Variants in PCDH15 observed in about 807,000 individuals in gnomAD.
PCDH15 encodes protocadherin related 15.
A neutral mutation model predicts 178.5 loss-of-function variants in PCDH15; 129 were observed. That is an observed-to-expected ratio of 0.72 (90% confidence interval 0.63 to 0.84). PCDH15 has a LOEUF of 0.84. Among genes scored for constraint, PCDH15 ranks in the 40% least tolerant of loss-of-function variants. The pLI is 0.00. For missense variants in PCDH15, 2,230 were observed against 2,099.9 expected (o/e 1.06, Z -1.21); for synonymous variants, 800 against 732.0 (o/e 1.09, Z -1.50).
intron 1 of PCDH15, among the ~76,000 whole-genome samples, chr10:54,725,150 C>A (rs1942295187): frequency 1.3e-5 from 2 of 151,336 alleles, no homozygotes; most frequent in Non-Finnish European, 3.0e-5. Context: ...ATGAGCCATT[C>A]TGAAAAATAA....
At chr10:54,444,594 T>A (rs2076033308) in intron 3 of PCDH15, among the ~76,000 whole-genome samples, 1 of 151,730 alleles carries the variant, frequency 6.6e-6, no homozygotes, top group Non-Finnish European at 1.5e-5. Context: ...TGAGAGTACC[T>A]GACAGACTGA....
At chr10:55,436,406 G>T (rs1231107083) in intron 2 of PCDH15, among the ~76,000 whole-genome samples, 10 of 152,008 alleles carry the variant, frequency 6.6e-5, no homozygotes, top group African/African-American at 2.4e-5. Flanking sequence ...TTTCAATGCT[G>T]TATTATAAAC....
At chr10:55,259,111 G>T (rs1399341531) in intron 1 of PCDH15, among the ~76,000 whole-genome samples, 1 of 152,090 alleles carries the variant, frequency 6.6e-6, no homozygotes, top group Non-Finnish European at 1.5e-5. Flanking sequence ...AAAAATCATT[G>T]TCTCACTAAT....
chr10:54,450,250 C>T (rs1007325737), intron 3 of PCDH15, among the ~76,000 whole-genome samples: 28 of 150,106 alleles, frequency 1.9e-4, no homozygotes, highest in Non-Finnish European at 1.8e-4. Context: ...CCCATTAACT[C>T]GTCATTTACA....
Position 54,329,723 on chromosome 10 carries a change from T to C in PCDH15, c.595-17A>G. 1 of 1,427,212 alleles carries C rather than the reference T, an allele frequency of 7.0e-7. No individual in the cohort carries two copies. The highest frequency in any genetic ancestry group is 9.9e-7 in the Non-Finnish European group (1 of 1,010,198). The allele number at this position is 1,427,212 out of a possible 1,614,324, so 88.4% of individuals were successfully genotyped here. A position where few individuals can be genotyped will look rare whatever the true frequency, so the allele number is the denominator to read the frequency against. ...ATTGGATGTCTGCAAATATTAAAGA[T>C]ACAGACTTCAGATTATTTGAATGTA... is the stretch of plus-strand genomic sequence containing the variant. On this transcript the variant is annotated splice_polypyrimidine_tract_variant and intron_variant, in intron 6 of 37. Transcript: ENST00000644397.
Position 55,051,244 on chromosome 10 carries a change from C to T in PCDH15, c.-80+115332G>A, listed in dbSNP as rs141396301. Among the ~76,000 whole-genome samples, 467 of 152,158 alleles carry T rather than the reference C, an allele frequency of 3.1e-3. 6 individuals carry two copies. Among genetic ancestry groups the T allele is most frequent in the African/African-American group, 0.01 (431 of 41,528 alleles). On this transcript the variant is annotated intron_variant, in intron 2 of 5. Transcript: ENST00000458638. ...AATAACCAACTTCCTTACAGCTCAA[C>T]TGCATTATGAGGCAAGTAATATCAA...
chr10:54,943,579 T>G (rs569866564), intron 2 of PCDH15, among the ~76,000 whole-genome samples: 6 of 152,094 alleles, frequency 3.9e-5, no homozygotes, highest in East Asian at 1.9e-4. Flanking sequence ...AGCACACAAC[T>G]ATGGAGTATG....
At chr10:54,112,016 G>T (rs887904983) in intron 15 of PCDH15, among the ~76,000 whole-genome samples, 2 of 150,626 alleles carry the variant, frequency 1.3e-5, no homozygotes, top group African/African-American at 2.4e-5. Context: ...GGTGGTGGGC[G>T]CCTGTAATCC....
At chr10:54,925,665 G>C (rs868559581) in intron 2 of PCDH15, among the ~76,000 whole-genome samples, 2 of 151,984 alleles carry the variant, frequency 1.3e-5, no homozygotes, top group African/African-American at 4.8e-5. Context: ...TCACCTCCCT[G>C]GTTAGCTGTA....
At chr10:54,944,014 G>T (rs1241406341) in intron 2 of PCDH15, among the ~76,000 whole-genome samples, 1 of 151,854 alleles carries the variant, frequency 6.6e-6, no homozygotes, top group Non-Finnish European at 1.5e-5. Flanking sequence ...GAGGAGATAA[G>T]GCCTGGGTTA....
chr10:54,444,182 A>ATCTTGC (rs1313533805), intron 3 of PCDH15, among the ~76,000 whole-genome samples: 1 of 151,754 alleles, frequency 6.6e-6, no homozygotes, highest in Admixed American at 6.6e-5. Context: ...TCTGAAAAAA[A>ATCTTGC]TCTTGCTGTA....
At chr10:55,618,971 A>G (rs1223781573) in intron 2 of PCDH15, among the ~76,000 whole-genome samples, 3 of 152,074 alleles carry the variant, frequency 2.0e-5, no homozygotes, top group Non-Finnish European at 4.4e-5. Context: ...AACACAAGGG[A>G]GTTTGGAACC....
intron 25 of PCDH15, among the ~76,000 whole-genome samples, chr10:53,931,609 T>C (rs1180435492): frequency 6.6e-6 from 1 of 150,898 alleles, no homozygotes; most frequent in Non-Finnish European, 1.5e-5. Context: ...TATAGAATTA[T>C]AAAACTCTAT....
intron 2 of PCDH15, among the ~76,000 whole-genome samples, chr10:54,921,499 G>T (rs983684839): frequency 6.6e-6 from 1 of 151,552 alleles, no homozygotes; most frequent in African/African-American, 2.4e-5. Context: ...CCTTTCTCTG[G>T]TAGGACCAAG....
At chr10:54,205,649 A>T (rs2134021344) in intron 10 of PCDH15, among the ~76,000 whole-genome samples, 1 of 152,164 alleles carries the variant, frequency 6.6e-6, no homozygotes, top group South Asian at 2.1e-4. Flanking sequence ...TGTTTGCATC[A>T]TCCTAATAAA....
At chr10:54,410,876 G>C (rs1358398507) in intron 3 of PCDH15, among the ~76,000 whole-genome samples, 4 of 118,728 alleles carry the variant, frequency 3.4e-5, no homozygotes, top group Admixed American at 2.0e-4. Context: ...TAAGGACTCT[G>C]ACCGAGCTGG....
In PCDH15 at chr10:53,822,995, T is replaced by C. The variant is rs2132505619; in HGVS notation, c.4368-2765A>G. ...TCATCAGCCTCCTGGGTAAGCTGAC[T>C]GACTGACTCCACAGCCTCTGAATCT... On this transcript the variant is annotated intron_variant, in intron 32 of 37. Transcript: ENST00000644397. The C allele has an allele frequency of 1.9e-6, 3 of 1,614,080 alleles. No homozygotes were observed. Among genetic ancestry groups the C allele is most frequent in the Non-Finnish European group, 2.5e-6 (3 of 1,179,972 alleles).
chr10:54,837,750 C>T (rs1381355710), intron 3 of PCDH15, among the ~76,000 whole-genome samples: 1 of 152,062 alleles, frequency 6.6e-6, no homozygotes, highest in Non-Finnish European at 1.5e-5. Flanking sequence ...ATGAAAATGC[C>T]TTTGTGGAAG....
chr10:54,885,502 G>T (rs1027938943), intron 3 of PCDH15, among the ~76,000 whole-genome samples: 1 of 151,544 alleles, frequency 6.6e-6, no homozygotes, highest in African/African-American at 2.4e-5. Context: ...ACAGAATCTA[G>T]TAAAAAGCAA....
Sources: gnomAD v4.1 joint callset for allele counts (sites outside exome capture counted in the v4.1 genomes callset) on GRCh38, gnomAD v4.1.1 for gene constraint, MANE v1.5 for transcripts, NCBI Gene and HGNC (gene_info 2026-07-23, HGNC 2026-07-21) for gene names.